GALNT13: variants seen among roughly 807,000 people sequenced by gnomAD.
The protein encoded by GALNT13 is UDP-GalNAc:polypeptide N-acetylgalactosaminyltransferase 13.
Under a neutral mutation model 64.2 loss-of-function variants are expected in GALNT13, and 28 were observed. The observed-to-expected ratio is 0.44, with a 90% CI of 0.32 to 0.60. GALNT13 has a LOEUF of 0.60. Among genes scored for constraint, GALNT13 ranks in the 20% least tolerant of loss-of-function variants. The pLI is 0.05. For missense variants in GALNT13, 577 were observed against 669.8 expected (o/e 0.86, Z 1.53); for synonymous variants, 214 against 224.6 (o/e 0.95, Z 0.42).
At chr2:154,334,098 T>C (rs1015982583) in intron 9 of GALNT13, among the ~76,000 whole-genome samples, 1 of 151,792 alleles carries the variant, frequency 6.6e-6, no homozygotes, top group East Asian at 1.9e-4. Flanking sequence ...CTCTTTTATA[T>C]GATGTTAAAA....
chr2:153,811,193 C>A, the GALNT13 span, among the ~76,000 whole-genome samples: 4 of 152,278 alleles, frequency 2.6e-5, no homozygotes, highest in Non-Finnish European at 4.4e-5. Flanking sequence ...ATGATGAGTT[C>A]TTGAGATCAA....
At chr2:153,849,532 G>A in the GALNT13 span, among the ~76,000 whole-genome samples, 4 of 152,176 alleles carry the variant, frequency 2.6e-5, no homozygotes, top group Non-Finnish European at 5.9e-5. Context: ...GGAATACAAT[G>A]ATTCTGAGAA....
intron 9 of GALNT13, among the ~76,000 whole-genome samples, chr2:154,308,039 A>C (rs532725317): frequency 6.6e-6 from 1 of 152,176 alleles, no homozygotes; most frequent in Non-Finnish European, 1.5e-5. Context: ...CAGTTTTTAT[A>C]TAACACCCAG....
chr2:154,446,826 A>C, intron 12 of GALNT13: 1 of 1,412,698 alleles, frequency 7.1e-7, no homozygotes, highest in South Asian at 1.6e-5. Context: ...AGTTATTGAA[A>C]TCTGGAAACT....
the GALNT13 span, among the ~76,000 whole-genome samples, chr2:153,522,061 G>A: frequency 6.6e-6 from 1 of 152,090 alleles, no homozygotes; most frequent in African/African-American, 2.4e-5. Flanking sequence ...AAATAAAAGA[G>A]GAGCACATCA....
At chr2:154,159,772 C>T (rs1010518783) in intron 4 of GALNT13, among the ~76,000 whole-genome samples, 2 of 151,912 alleles carry the variant, frequency 1.3e-5, no homozygotes, top group Non-Finnish European at 1.5e-5. Flanking sequence ...CTACAGTGTG[C>T]ACTATAACAA....
chr2:154,261,585 T>A (rs970157121), intron 8 of GALNT13, among the ~76,000 whole-genome samples: 1 of 152,176 alleles, frequency 6.6e-6, no homozygotes, highest in African/African-American at 2.4e-5. Context: ...AGGGTTTGAA[T>A]CTAATATCCA....
At chr2:153,400,996 T>C in the GALNT13 span, among the ~76,000 whole-genome samples, 2 of 151,548 alleles carry the variant, frequency 1.3e-5, no homozygotes, top group Admixed American at 6.5e-5. Flanking sequence ...CTTGGTTTTC[T>C]AGTTCTTTTA....
intron 9 of GALNT13, among the ~76,000 whole-genome samples, chr2:154,391,133 G>C (rs1031937999): frequency 6.6e-5 from 10 of 152,032 alleles, no homozygotes; most frequent in African/African-American, 2.4e-4. Context: ...CACTTTCATA[G>C]GCCTTTGTTG....
the GALNT13 span, among the ~76,000 whole-genome samples, chr2:153,330,611 G>A: frequency 4.1e-5 from 6 of 147,044 alleles, no homozygotes; most frequent in Admixed American, 6.8e-5. Flanking sequence ...TTTGTACATT[G>A]ATTTTTTTTT....
chr2:153,178,732 C>CTTTTTTTTTTTTTTT, the GALNT13 span, among the ~76,000 whole-genome samples: 3 of 98,398 alleles, frequency 3.0e-5, no homozygotes, highest in Non-Finnish European at 6.0e-5. Context: ...TTCTCTTCTT[C>CTTTTTTTTTTTTTTT]TTTTTTTTTT....
the GALNT13 span, among the ~76,000 whole-genome samples, chr2:153,211,201 G>T: frequency 6.6e-6 from 1 of 151,734 alleles, no homozygotes; most frequent in Non-Finnish European, 1.5e-5. Context: ...GGAGTGTAGT[G>T]GCATGATCTC....
the GALNT13 span, among the ~76,000 whole-genome samples, chr2:153,258,069 C>A: frequency 6.6e-6 from 1 of 152,108 alleles, no homozygotes; most frequent in African/African-American, 2.4e-5. Flanking sequence ...TTTGAGGGTA[C>A]AAACCTATGG....
chr2:153,543,070 T>G, the GALNT13 span, among the ~76,000 whole-genome samples: 1 of 152,250 alleles, frequency 6.6e-6, no homozygotes, highest in Non-Finnish European at 1.5e-5. Flanking sequence ...TTGATTGCCT[T>G]GGAAGCTGCA....
chr2:153,543,293 T>A, the GALNT13 span, among the ~76,000 whole-genome samples: 1 of 152,150 alleles, frequency 6.6e-6, no homozygotes, highest in Non-Finnish European at 1.5e-5. Flanking sequence ...AGGAAGACAA[T>A]AATTCTTGTG....
chr2:153,881,635 T>G (rs754463067), intron 1 of GALNT13, among the ~76,000 whole-genome samples: 9 of 152,182 alleles, frequency 5.9e-5, no homozygotes, highest in Non-Finnish European at 1.3e-4. Context: ...TCAAGTGGGA[T>G]AACATGTATA....
rs555543408 is a variant in GALNT13 at position 154,131,956 on chromosome 2, G to A, written c.143-8381G>A. On this transcript the variant is annotated intron_variant, in intron 3 of 12. Coordinates refer to ENST00000392825, the MANE Select transcript of GALNT13 (RefSeq NM_052917.4). Reference sequence around the variant, plus strand: ...AAGAGCTTGGAGTACCATGTTCGAGGGCAGAAAGCATCCAGTACAGGAGAA... The same window carrying A: ...AAGAGCTTGGAGTACCATGTTCGAGAGCAGAAAGCATCCAGTACAGGAGAA... 2.0e-5 allele frequency among the ~76,000 whole-genome samples: 3 copies of A among 152,222 alleles called. No homozygotes were observed. In the East Asian group the frequency reaches 5.8e-4, roughly 29 times the overall value.
At chr2:154,182,735 G>A (rs1283513479) in intron 4 of GALNT13, among the ~76,000 whole-genome samples, 4 of 150,556 alleles carry the variant, frequency 2.7e-5, no homozygotes, top group African/African-American at 9.7e-5. Flanking sequence ...TGACATTGGT[G>A]TTGACCCCTT....
the GALNT13 span, among the ~76,000 whole-genome samples, chr2:153,803,134 G>T: frequency 1.2e-4 from 18 of 152,224 alleles, no homozygotes; most frequent in African/African-American, 4.3e-4. Flanking sequence ...TAAGCTCAGT[G>T]TTCCCCTCAG....
Sources: gnomAD v4.1 joint callset for allele counts (sites outside exome capture counted in the v4.1 genomes callset) on GRCh38, gnomAD v4.1.1 for gene constraint, MANE v1.5 for transcripts, NCBI Gene and HGNC (gene_info 2026-07-23, HGNC 2026-07-21) for gene names.